The following UNC13C variants were observed in gnomAD, a reference collection of about 807,000 sequenced individuals.
UNC13C encodes unc-13 homolog C.
UNC13C carries 174 observed loss-of-function variants against 245.4 expected under a neutral mutation model. The ratio of observed to expected loss-of-function variants is 0.71; its 90% CI spans 0.63 to 0.80. The LOEUF is 0.80. UNC13C is among the 30% of genes least tolerant of loss of function. The probability of loss-of-function intolerance (pLI) is 0.00; values close to 1 mark genes in which losing one functional copy is unlikely to be tolerated. For synonymous variants in UNC13C, 992 were observed against 895.1 expected (o/e 1.11, Z -1.93); for missense variants, 2,829 against 2,602.9 (o/e 1.09, Z -1.89).
intron 2 of UNC13C, among the ~76,000 whole-genome samples, chr15:54,086,000 G>A (rs72740379): frequency 0.016 from 2,433 of 152,244 alleles, 30 homozygotes; most frequent in Middle Eastern, 0.099. Flanking sequence ...CAATACATGT[G>A]TACATGTGGA....
At chr15:54,257,452 A>T (rs2036308271) in intron 8 of UNC13C, among the ~76,000 whole-genome samples, 1 of 152,214 alleles carries the variant, frequency 6.6e-6, no homozygotes, top group Admixed American at 6.5e-5. Flanking sequence ...TTCTAAAAGT[A>T]TGCATATACC....
intron 19 of UNC13C, among the ~76,000 whole-genome samples, chr15:54,447,478 A>G (rs1015015810): frequency 6.6e-6 from 1 of 152,094 alleles, no homozygotes. Context: ...CAGAGATTCA[A>G]CTTCTTCCTG....
intron 13 of UNC13C, among the ~76,000 whole-genome samples, chr15:54,314,173 T>C (rs982250898): frequency 6.6e-6 from 1 of 151,458 alleles, no homozygotes; most frequent in Non-Finnish European, 1.5e-5. Context: ...GAGCTATTGG[T>C]CAAGGAATAC....
chr15:54,227,650 G>A (rs1255750966), intron 4 of UNC13C, among the ~76,000 whole-genome samples: 4 of 152,160 alleles, frequency 2.6e-5, no homozygotes, highest in Non-Finnish European at 5.9e-5. Context: ...TCCAAAAGTG[G>A]CCCCAGGGAG....
chr15:53,981,171 C>T (rs370022599), intron 1 of UNC13C, among the ~76,000 whole-genome samples: 1 of 152,254 alleles, frequency 6.6e-6, no homozygotes, highest in South Asian at 2.1e-4. Context: ...ACCTTTTCAG[C>T]TAATGCAATG....
At chr15:54,361,958 C>T (rs1233059954) in intron 17 of UNC13C, among the ~76,000 whole-genome samples, 1 of 152,142 alleles carries the variant, frequency 6.6e-6, no homozygotes, top group African/African-American at 2.4e-5. Context: ...CTAATTCCAA[C>T]ATTTTAGTTA....
chr15:54,097,591 G>A (rs1370534723), intron 2 of UNC13C, among the ~76,000 whole-genome samples: 1 of 152,166 alleles, frequency 6.6e-6, no homozygotes, highest in African/African-American at 2.4e-5. Flanking sequence ...AAATATCAGA[G>A]GCACAGAAGT....
At chr15:54,082,317 A>G (rs1274048998) in intron 2 of UNC13C, among the ~76,000 whole-genome samples, 1 of 152,106 alleles carries the variant, frequency 6.6e-6, no homozygotes, top group Non-Finnish European at 1.5e-5. Context: ...CTTGAGCTCT[A>G]GCAATATTAG....
At chr15:54,488,748 G>C (rs1047904908) in intron 19 of UNC13C, among the ~76,000 whole-genome samples, 3 of 151,960 alleles carry the variant, frequency 2.0e-5, no homozygotes, top group Non-Finnish European at 4.4e-5. Flanking sequence ...TTTTTATTCT[G>C]GTAGTAAAAT....
At chr15:54,248,496 C>A (rs966046025) in intron 7 of UNC13C, among the ~76,000 whole-genome samples, 6 of 152,158 alleles carry the variant, frequency 3.9e-5, no homozygotes. Context: ...GCTTCTAATT[C>A]TCAAAGAACT....
At chr15:53,988,572 G>C (rs1894248113) in intron 1 of UNC13C, among the ~76,000 whole-genome samples, 1 of 151,964 alleles carries the variant, frequency 6.6e-6, no homozygotes, top group African/African-American at 2.4e-5. Flanking sequence ...AGAATTATAA[G>C]ATTTAGTATT....
At chr15:53,880,916 T>C in the UNC13C span, among the ~76,000 whole-genome samples, 1 of 151,846 alleles carries the variant, frequency 6.6e-6, no homozygotes, top group Non-Finnish European at 1.5e-5. Context: ...TAAGTGAGAG[T>C]CTGAATTTGG....
intron 4 of UNC13C, among the ~76,000 whole-genome samples, chr15:54,231,215 T>C (rs2035542082): frequency 6.6e-6 from 1 of 152,116 alleles, no homozygotes; most frequent in African/African-American, 2.4e-5. Context: ...GATCAACTGG[T>C]ACATGTGTCT....
intron 29 of UNC13C, among the ~76,000 whole-genome samples, chr15:54,557,907 G>A (rs1244311269): frequency 6.6e-6 from 1 of 152,048 alleles, no homozygotes; most frequent in African/African-American, 2.4e-5. Flanking sequence ...ATACACCATG[G>A]AATACTATGC....
At chr15:54,248,813 G>T (rs1410955008) in intron 7 of UNC13C, among the ~76,000 whole-genome samples, 1 of 152,042 alleles carries the variant, frequency 6.6e-6, no homozygotes, top group Non-Finnish European at 1.5e-5. Flanking sequence ...TTTTACTGAG[G>T]CTCCGTTCCC....
chr15:54,075,501 G>A (rs2414272), intron 2 of UNC13C, among the ~76,000 whole-genome samples: 43,307 of 101,182 alleles, frequency 0.43, 11,795 homozygotes, highest in Non-Finnish European at 0.56. Context: ...GCAGTGAGCC[G>A]AGATGGCGCC....
chr15:54,357,398 A>G (rs1003729437), intron 17 of UNC13C, among the ~76,000 whole-genome samples: 1 of 152,056 alleles, frequency 6.6e-6, no homozygotes, highest in Non-Finnish European at 1.5e-5. Context: ...TTCTTCCATT[A>G]TCCAACAGGA....
chr15:54,032,664 G>A (rs1257219318), intron 2 of UNC13C, among the ~76,000 whole-genome samples: 1 of 152,182 alleles, frequency 6.6e-6, no homozygotes, highest in Non-Finnish European at 1.5e-5. Flanking sequence ...CTTAAAAGCT[G>A]AAATAATAAT....
intron 13 of UNC13C, among the ~76,000 whole-genome samples, chr15:54,319,319 G>A (rs1030503369): frequency 6.7e-6 from 1 of 149,114 alleles, no homozygotes; most frequent in African/African-American, 2.5e-5. Context: ...AAATGTGATA[G>A]CATAGCTCTA....
Sources: gnomAD v4.1 joint callset for allele counts (sites outside exome capture counted in the v4.1 genomes callset) on GRCh38, gnomAD v4.1.1 for gene constraint, MANE v1.5 for transcripts, NCBI Gene and HGNC (gene_info 2026-07-23, HGNC 2026-07-21) for gene names.